The following CLPTM1L variants were observed in gnomAD, a reference collection of about 807,000 sequenced individuals.
CLPTM1L encodes the protein CLPTM1 like.
A neutral mutation model predicts 70.9 loss-of-function variants in CLPTM1L; 38 were observed. The observed-to-expected ratio is 0.54, with a 90% CI of 0.41 to 0.70. The LOEUF (loss-of-function observed/expected upper bound fraction) is 0.70, where lower values mean the gene tolerates loss of function less well. Among genes scored for constraint, CLPTM1L ranks in the 30% least tolerant of loss-of-function variants. CLPTM1L has a pLI of 0.00. For synonymous variants in CLPTM1L, 339 were observed against 299.9 expected, an observed-to-expected ratio of 1.13 and a Z score of -1.35; for missense variants, 652 against 705.9, an observed-to-expected ratio of 0.92 and a Z score of 0.87.
intron 3 of CLPTM1L, 36 bp downstream of exon 3, chr5:1,341,635 C>A: frequency 6.4e-7 from 1 of 1,552,284 alleles, no homozygotes; most frequent in South Asian, 1.2e-5. Flanking sequence ...GACGGAGAGG[C>A]ACAGCCTGTT....
chr5:1,342,039 T>TGTGTGTGTGTGCGCGC lies in CLPTM1L; in HGVS notation c.264-180_264-179insGCGCGCACACACACAC, dbSNP rs3222913. Among the ~76,000 whole-genome samples, 520 of 149,078 alleles carry TGTGTGTGTGTGCGCGC rather than the reference T, an allele frequency of 3.5e-3. 2 individuals carry two copies. Among genetic ancestry groups the TGTGTGTGTGTGCGCGC allele is most frequent in the African/African-American group, 0.012 (484 of 39,772 alleles). ...GTGTGTGTGTGTGTGTGTGTGTGTG[T>TGTGTGTGTGTGCGCGC]GCACGCGCACGCGTGCGCGTCCTGA... On this transcript the variant is annotated intron_variant, in intron 2 of 16. Transcript: ENST00000320895. The surrounding 1 kb of genome is among the most constrained non-coding windows in gnomAD (Gnocchi z 4.3).
chr5:1,330,460 C>T (rs369038434), intron 8 of CLPTM1L, 77 bp from the exon 9 acceptor site: 7 of 1,177,882 alleles, frequency 5.9e-6, no homozygotes, highest in Non-Finnish European at 8.8e-6. Context: ...ACACATACCC[C>T]CAGTCCCCCA....
intron 5 of CLPTM1L, among the ~76,000 whole-genome samples, chr5:1,336,786 G>C (rs11960116): frequency 0.087 from 13,237 of 152,210 alleles, 1,465 homozygotes; most frequent in African/African-American, 0.27. Context: ...AGCAATCAGT[G>C]ACCCCAGAAG....
chr5:1,339,117 G>GC (rs1198830027), intron 3 of CLPTM1L, 112 bp from the exon 4 acceptor site: 1 of 1,266,998 alleles, frequency 7.9e-7, no homozygotes, highest in African/African-American at 1.5e-5. Context: ...GGCAAACTGT[G>GC]CCCGGGACAG....
At chr5:1,322,574 T>C (rs1359662606) in intron 13 of CLPTM1L, among the ~76,000 whole-genome samples, 2 of 152,206 alleles carry the variant, frequency 1.3e-5, no homozygotes, top group Non-Finnish European at 1.5e-5. Flanking sequence ...GATGGACACA[T>C]ATACCAGGCG....
intron 5 of CLPTM1L, among the ~76,000 whole-genome samples, chr5:1,335,605 C>A (rs1283119296): frequency 6.6e-6 from 1 of 152,376 alleles, no homozygotes; most frequent in South Asian, 2.1e-4. Context: ...CACAGCCCTG[C>A]AGCACATGGG....
chr5:1,325,151 CG>C, intron 10 of CLPTM1L: 1 of 383,506 alleles, frequency 2.6e-6, no homozygotes, highest in Non-Finnish European at 4.7e-6. Context: ...ACCAGCCGGC[CG>C]GGAGCCATGG....
intron 7 of CLPTM1L, 190 bp from the exon 8 acceptor site, chr5:1,332,073 C>T: frequency 1.7e-6 from 1 of 594,972 alleles, no homozygotes; most frequent in Non-Finnish European, 3.0e-6. Flanking sequence ...ACCTAGAGTG[C>T]CCAGGCGGGC....
intron 3 of CLPTM1L, among the ~76,000 whole-genome samples, chr5:1,341,138 C>T (rs138766763): frequency 2.0e-5 from 3 of 152,346 alleles, no homozygotes; most frequent in Admixed American, 6.5e-5. Flanking sequence ...TTATCCTTGG[C>T]CTGTATTCAT....
At chr5:1,340,291 T>C (rs921365323) in intron 3 of CLPTM1L, among the ~76,000 whole-genome samples, 2 of 152,146 alleles carry the variant, frequency 1.3e-5, no homozygotes, top group Non-Finnish European at 2.9e-5. Context: ...GGGAGTCAGC[T>C]TCTAAAACCA....
intron 3 of CLPTM1L, among the ~76,000 whole-genome samples, chr5:1,339,632 T>C (rs1222104476): frequency 0.021 from 1,259 of 58,614 alleles, 11 homozygotes; most frequent in African/African-American, 0.11. Context: ...CAAACTGTGC[T>C]CGGGACAGCA....
In CLPTM1L at chr5:1,344,917, C is replaced by A; in HGVS notation, c.-76G>T. 1.2e-6 allele frequency: 1 copy of A among 862,488 alleles called. No homozygotes were observed. The highest frequency in any genetic ancestry group is 1.4e-6 in the Non-Finnish European group (1 of 722,718). The allele number at this position is 862,488 out of a possible 1,614,324, so 53.4% of individuals were successfully genotyped here. ...CCCGCCCGCCCGGCGCCCAGCCCGC[C>A]GCTCCGGGCTCCGCCGCTCACTGGA... is the stretch of plus-strand genomic sequence containing the variant. On this transcript the variant is annotated 5_prime_UTR_variant, in exon 1 of 17. Transcript: ENST00000320895.
chr5:1,321,350 CTG>C (rs1047411458), intron 15 of CLPTM1L, among the ~76,000 whole-genome samples: 5 of 152,204 alleles, frequency 3.3e-5, no homozygotes, highest in African/African-American at 1.2e-4. Context: ...CACAGGGGGT[CTG>C]TGTCTTGACA....
intron 3 of CLPTM1L, among the ~76,000 whole-genome samples, chr5:1,340,009 C>T (rs769135438): frequency 1.3e-5 from 2 of 152,232 alleles, no homozygotes; most frequent in African/African-American, 2.4e-5. Flanking sequence ...CAGGCACAAC[C>T]GGGGGAGAGC....
At position 1,318,176 on chromosome 5, in the gene CLPTM1L, T is replaced by C; in HGVS notation, c.*193A>G. 1.7e-6 allele frequency: 1 copy of C among 588,478 alleles called. No individual in the cohort carries two copies. Among genetic ancestry groups the C allele is most frequent in the African/African-American group, 1.9e-5 (1 of 53,670 alleles). 36.5% of individuals were successfully genotyped at this position (588,478 alleles called of 1,614,324 possible). On this transcript the variant is annotated 3_prime_UTR_variant, in exon 17 of 17. Transcript: ENST00000320895. This position sits in a 1 kb window ranked among gnomAD's most constrained non-coding sequence, Gnocchi z 8.9. Reference sequence around the variant, plus strand: ...CCCAGCTCTGTGACCAAGACAGATGTTCACACGTGGGGGCATCGTAAGCGC... The same window carrying C: ...CCCAGCTCTGTGACCAAGACAGATGCTCACACGTGGGGGCATCGTAAGCGC...
chr5:1,334,554 G>A (rs1460240889), intron 6 of CLPTM1L, among the ~76,000 whole-genome samples, 171 bp from the exon 7 acceptor site: 4 of 152,164 alleles, frequency 2.6e-5, no homozygotes, highest in African/African-American at 9.7e-5. Flanking sequence ...AGGAGTTCAA[G>A]ACCAGCCTGG....
At position 1,342,039 on chromosome 5, in the gene CLPTM1L, T is replaced by TGTGTGTGTGTGCGC. The variant is rs3222913; in HGVS notation, c.264-180_264-179insGCGCACACACACAC. The stretch of plus-strand genomic sequence containing the variant: ...GTGTGTGTGTGTGTGTGTGTGTGTG[T>TGTGTGTGTGTGCGC]GCACGCGCACGCGTGCGCGTCCTGA... On this transcript the variant is annotated intron_variant, in intron 2 of 16. Coordinates refer to ENST00000320895, the MANE Select transcript of CLPTM1L (RefSeq NM_030782.5). The surrounding 1 kb of genome is among the most constrained non-coding windows in gnomAD (Gnocchi z 4.3). Among the ~76,000 whole-genome samples the TGTGTGTGTGTGCGC allele has an allele frequency of 3.3e-3, 497 of 149,066 alleles. 4 individuals are homozygous for TGTGTGTGTGTGCGC. The highest frequency in any genetic ancestry group is 3.9e-3 in the Non-Finnish European group (261 of 67,330).
chr5:1,344,505 C>T, intron 1 of CLPTM1L, 54 bp from the exon 2 acceptor site: 1 of 1,545,952 alleles, frequency 6.5e-7, no homozygotes, highest in South Asian at 1.1e-5. Context: ...GCAGGACGCA[C>T]TCAAATCCCA....
Position 1,337,817 on chromosome 5 carries a change from G to A in CLPTM1L, c.678+87C>T, listed in dbSNP as rs1343814089. On this transcript the variant is annotated intron_variant, in intron 5 of 16. Coordinates refer to ENST00000320895, the MANE Select transcript of CLPTM1L (RefSeq NM_030782.5). ...CCGTGTCAAATGTCAGCAATGGCCC[G>A]GTCCATTAGGGTGCAGGGGCTGCGG... 55 of 1,034,704 alleles carry A rather than the reference G, an allele frequency of 5.3e-5. 1 individual carries two copies. Among genetic ancestry groups the A allele is most frequent in the Middle Eastern group, 5.5e-4 (2 of 3,664 alleles). The allele number at this position is 1,034,704 out of a possible 1,614,324, so 64.1% of individuals were successfully genotyped here.
Sources: gnomAD v4.1 joint callset for allele counts (sites outside exome capture counted in the v4.1 genomes callset) on GRCh38, gnomAD v4.1.1 for gene constraint, Gnocchi (gnomAD v3.1) non-coding constraint, MANE v1.5 for transcripts, NCBI Gene and HGNC (gene_info 2026-07-23, HGNC 2026-07-21) for gene names.